ERICH6B: variants seen among roughly 807,000 people sequenced by gnomAD.
The protein encoded by ERICH6B is glutamate-rich protein 6B.
Under a neutral mutation model 80.0 loss-of-function variants are expected in ERICH6B, and 69 were observed. The ratio of observed to expected loss-of-function variants is 0.86; its 90% confidence interval spans 0.71 to 1.05. The LOEUF (loss-of-function observed/expected upper bound fraction) is 1.05. Ranked by LOEUF, ERICH6B falls within the 50% of genes least tolerant of loss-of-function variation. The probability of loss-of-function intolerance (pLI) is 0.00; values close to 1 mark genes in which losing one functional copy is unlikely to be tolerated. For missense variants in ERICH6B, 754 were observed against 796.1 expected (o/e 0.95, Z 0.64); for synonymous variants, 283 against 291.9 (o/e 0.97, Z 0.31).
intron 1 of ERICH6B, among the ~76,000 whole-genome samples, chr13:45,612,012 TTTTC>T (rs1949902561): frequency 6.6e-6 from 1 of 152,222 alleles, no homozygotes; most frequent in African/African-American, 2.4e-5. Flanking sequence ...TTTATCTGTT[TTTTC>T]TTCTGTGCTA....
chr13:45,543,912 C>T (rs1873887010), intron 14 of ERICH6B, among the ~76,000 whole-genome samples: 1 of 152,128 alleles, frequency 6.6e-6, no homozygotes, highest in African/African-American at 2.4e-5. Flanking sequence ...TGACTTCTGA[C>T]ACGGCCACTG....
chr13:45,561,274 G>T (rs1874660930), intron 11 of ERICH6B, 95 bp downstream of exon 11: 1 of 1,261,962 alleles, frequency 7.9e-7, no homozygotes, highest in Non-Finnish European at 1.1e-6. Flanking sequence ...ATTGTGTGTT[G>T]TTCCTTACAG....
chr13:45,560,833 G>A (rs1874641015), intron 11 of ERICH6B, among the ~76,000 whole-genome samples: 1 of 152,178 alleles, frequency 6.6e-6, no homozygotes, highest in East Asian at 1.9e-4. Flanking sequence ...TTGTATGAAT[G>A]TACCATAGCT....
chr13:45,595,679 C>CT (rs760500009), intron 3 of ERICH6B, among the ~76,000 whole-genome samples: 9,302 of 135,992 alleles, frequency 0.068, 372 homozygotes, highest in African/African-American at 0.11. Context: ...TCTTCTCTCT[C>CT]TTTTTTTTTT....
intron 14 of ERICH6B, among the ~76,000 whole-genome samples, chr13:45,541,992 G>A (rs550186292): frequency 5.9e-5 from 9 of 152,320 alleles, no homozygotes; most frequent in African/African-American, 1.2e-4. Flanking sequence ...GCTTTCCTGC[G>A]GCTGCCGGGC....
intron 3 of ERICH6B, among the ~76,000 whole-genome samples, chr13:45,595,974 A>G (rs1230012577): frequency 3.3e-5 from 5 of 152,174 alleles, no homozygotes; most frequent in Admixed American, 2.6e-4. Flanking sequence ...AAACATTTGC[A>G]ATGAACATGT....
At chr13:45,554,582 C>T (rs1393864098) in intron 11 of ERICH6B, among the ~76,000 whole-genome samples, 4 of 152,202 alleles carry the variant, frequency 2.6e-5, no homozygotes, top group Non-Finnish European at 5.9e-5. Flanking sequence ...TGACAAGAAC[C>T]CCATGGACAA....
intron 13 of ERICH6B, among the ~76,000 whole-genome samples, chr13:45,545,946 T>C (rs1418330132): frequency 2.0e-5 from 3 of 152,242 alleles, no homozygotes; most frequent in Non-Finnish European, 4.4e-5. Context: ...AGGGGTTCAG[T>C]ATTGGCCAAT....
At chr13:45,543,421 C>G (rs1291656287) in intron 14 of ERICH6B, among the ~76,000 whole-genome samples, 3 of 152,184 alleles carry the variant, frequency 2.0e-5, no homozygotes, top group Non-Finnish European at 2.9e-5. Flanking sequence ...AGTTAAGGCT[C>G]TCAGGATGAG....
intron 2 of ERICH6B, among the ~76,000 whole-genome samples, chr13:45,597,279 C>G (rs1484001838): frequency 6.6e-6 from 1 of 152,092 alleles, no homozygotes; most frequent in Admixed American, 6.5e-5. Flanking sequence ...AAAGACCAGG[C>G]CTTTGAAATT....
intron 9 of ERICH6B, among the ~76,000 whole-genome samples, chr13:45,567,331 G>T (rs1021602251): frequency 6.6e-6 from 1 of 152,202 alleles, no homozygotes; most frequent in African/African-American, 2.4e-5. Context: ...GATTGGTTTT[G>T]AAATGTGAGG....
chr13:45,574,981 CA>C, intron 7 of ERICH6B, 51 bp from the exon 8 acceptor site: 9 of 1,236,086 alleles, frequency 7.3e-6, no homozygotes, highest in Non-Finnish European at 9.2e-6. Context: ...GAAAGAAAAC[CA>C]AAAACATAAA....
At chr13:45,590,848 T>C (rs1295032899) in intron 3 of ERICH6B, among the ~76,000 whole-genome samples, 151 bp from the exon 4 acceptor site, 2 of 152,248 alleles carry the variant, frequency 1.3e-5, no homozygotes, top group African/African-American at 4.8e-5. Flanking sequence ...TGGTTTCCTT[T>C]AAAAATTACT....
At chr13:45,589,000 C>T (rs181954787) in intron 4 of ERICH6B, among the ~76,000 whole-genome samples, 25 of 152,016 alleles carry the variant, frequency 1.6e-4, no homozygotes, top group African/African-American at 2.7e-4. Flanking sequence ...GAGAGGGAGC[C>T]GCTCCAGGCC....
intron 2 of ERICH6B, among the ~76,000 whole-genome samples, chr13:45,599,478 G>A (rs1468653178): frequency 6.6e-6 from 1 of 152,160 alleles, no homozygotes; most frequent in Non-Finnish European, 1.5e-5. Context: ...GCTCCCATCA[G>A]GCAGTAGCAA....
chr13:45,563,907 C>T, intron 9 of ERICH6B, 119 bp from the exon 10 acceptor site: 1 of 807,108 alleles, frequency 1.2e-6, no homozygotes. Context: ...GAAATGGGGC[C>T]AATGGCTTTG....
chr13:45,566,663 A>G (rs1360148625), intron 9 of ERICH6B, among the ~76,000 whole-genome samples: 2 of 152,258 alleles, frequency 1.3e-5, no homozygotes, highest in East Asian at 3.8e-4. Context: ...ACCTCTGCCT[A>G]GATTTCAGAG....
At chr13:45,606,559 T>A (rs1405607544) in intron 2 of ERICH6B, among the ~76,000 whole-genome samples, 15 of 104,912 alleles carry the variant, frequency 1.4e-4, no homozygotes, top group South Asian at 7.1e-4. Context: ...TTTTTTTTTT[T>A]TTTTTTTTTT....
At chr13:45,579,250 A>G (rs1875554118) in intron 7 of ERICH6B, among the ~76,000 whole-genome samples, 1 of 152,182 alleles carries the variant, frequency 6.6e-6, no homozygotes. Context: ...TCTAGAGTTT[A>G]CAAGAGTTTA....
Sources: allele counts gnomAD v4.1 joint callset (sites outside exome capture counted in the v4.1 genomes callset), GRCh38; gene constraint gnomAD v4.1.1; transcripts MANE v1.5; gene names NCBI Gene and HGNC (gene_info 2026-07-23, HGNC 2026-07-21).